The following B4GALNT3 variants were observed in gnomAD, a reference collection of about 807,000 sequenced individuals.
B4GALNT3 encodes the protein beta-1,4-N-acetyl-galactosaminyltransferase 3, also known as beta-1,4-N-acetylgalactosaminyltransferase 3.
A neutral mutation model predicts 120.2 loss-of-function variants in B4GALNT3; 86 were observed. The observed-to-expected ratio is 0.72, with a 90% CI of 0.60 to 0.86. The LOEUF is 0.86. B4GALNT3 is among the 40% of genes least tolerant of loss of function. B4GALNT3 has a pLI of 0.00. For synonymous variants in B4GALNT3, 518 were observed against 510.4 expected (o/e 1.01, Z -0.20); for missense variants, 1,167 against 1,298.9 (o/e 0.90, Z 1.56).
rs1301422258 is a variant in B4GALNT3 at position 561,363 on chromosome 12, A to G, written c.2909A>G (p.Asp970Gly). Residue 970 changes from aspartate (D) to glycine (G), a missense_variant, in exon 20 of 20, where the codon GAC becomes GGC. Physicochemically the swap from Asp to Gly is moderately conservative, Grantham distance 94 (BLOSUM62 -1). Coordinates refer to ENST00000266383, the MANE Select transcript of B4GALNT3 (RefSeq NM_173593.4). ...LLDRILQAGL[D>G]VERLSLRNFF... ...TCCAGGATACTCCAAGCGGGCCTGG[A>G]CGTGGAGCGTCTCTCCCTCAGGAAT... 1 of 1,613,956 alleles carries G rather than the reference A, an allele frequency of 6.2e-7. No individual in the cohort carries two copies. Among genetic ancestry groups the G allele is most frequent in the South Asian group, 1.1e-5 (1 of 91,074 alleles).
chr12:514,453 T>C (rs1946632075), intron 1 of B4GALNT3, among the ~76,000 whole-genome samples: 1 of 151,890 alleles, frequency 6.6e-6, no homozygotes, highest in African/African-American at 2.4e-5. Context: ...CGCCTCGGCC[T>C]CCCAAAGTGC....
chr12:462,910 C>T (rs1482335012), intron 1 of B4GALNT3, among the ~76,000 whole-genome samples: 1 of 152,160 alleles, frequency 6.6e-6, no homozygotes. Context: ...GAGGGAGAGC[C>T]AGGGAGGAGG....
intron 5 of B4GALNT3, 78 bp from the exon 6 acceptor site, chr12:545,291 T>C: frequency 1.3e-6 from 2 of 1,532,054 alleles, no homozygotes; most frequent in African/African-American, 1.4e-5. Context: ...ATTTAATCGC[T>C]AAGACACTCA....
intron 1 of B4GALNT3, among the ~76,000 whole-genome samples, chr12:488,041 C>A (rs187356295): frequency 3.3e-5 from 5 of 152,050 alleles, no homozygotes; most frequent in Admixed American, 3.3e-4. Context: ...CATCTGACTT[C>A]TCAGAAACCG....
intron 1 of B4GALNT3, among the ~76,000 whole-genome samples, chr12:500,697 T>C (rs1946430265): frequency 6.6e-6 from 1 of 152,028 alleles, no homozygotes; most frequent in Non-Finnish European, 1.5e-5. Context: ...CAGGCCTTCA[T>C]ACTATCCAGC....
chr12:551,355 C>A (rs1197957050), intron 11 of B4GALNT3, among the ~76,000 whole-genome samples: 1 of 152,216 alleles, frequency 6.6e-6, no homozygotes, highest in Non-Finnish European at 1.5e-5. Context: ...ACAACCCTAC[C>A]CTGCCTGGTC....
intron 1 of B4GALNT3, among the ~76,000 whole-genome samples, chr12:505,208 C>T (rs1946485463): frequency 6.6e-6 from 1 of 152,176 alleles, no homozygotes; most frequent in African/African-American, 2.4e-5. Flanking sequence ...GAGGTTTTAA[C>T]AGATGTTCTA....
In B4GALNT3 at chr12:548,382, G is replaced by A. The variant is rs1947034663; in HGVS notation, c.853+85G>A. The A allele has an allele frequency of 4.4e-6, 6 of 1,366,226 alleles. No individual in the cohort carries two copies. The South Asian group carries it at 7.1e-5, about 16-fold the overall frequency. 84.6% of individuals were successfully genotyped at this position (1,366,226 alleles called of 1,614,324 possible). A position where few individuals can be genotyped will look rare whatever the true frequency, so the allele number is the denominator to read the frequency against. Reference sequence around the variant, plus strand: ...GGGATTTGGCAGGGGAGGAGGGGAGGAGGGGAGGAAGGAAGCTCGAGATGC... The same window carrying A: ...GGGATTTGGCAGGGGAGGAGGGGAGAAGGGGAGGAAGGAAGCTCGAGATGC... On this transcript the variant is annotated intron_variant, in intron 9 of 19. Coordinates refer to ENST00000266383, the MANE Select transcript of B4GALNT3 (RefSeq NM_173593.4). The surrounding 1 kb of genome is among the most constrained non-coding windows in gnomAD (Gnocchi z 4.9).
In B4GALNT3 at chr12:535,207, A is replaced by G. The variant is rs1946846272; in HGVS notation, c.211A>G (p.Arg71Gly). The change falls in exon 2 of 20, where the codon AGG becomes GGG. Residue 71 changes from arginine to glycine, a missense_variant. Arg to Gly is a moderately radical substitution (Grantham distance 125, BLOSUM62 -2). This residue lies in a region of B4GALNT3 where 171 missense variants were observed against 161.3 expected (regional missense o/e 1.06). Coordinates refer to ENST00000266383, the MANE Select transcript of B4GALNT3 (RefSeq NM_173593.4). ...AGAACTGGCCAAGGCTCTGGCCAGC[A>G]GGAACATTCCAGCTGTGGATCCACA... Reference protein sequence around the residue: ...WRELAKALASRNIPAVDPHLQ... With the variant: ...WRELAKALASGNIPAVDPHLQ... 1.2e-6 allele frequency: 2 copies of G among 1,613,750 alleles called. No homozygotes were observed. The highest frequency in any genetic ancestry group is 1.7e-6 in the Non-Finnish European group (2 of 1,179,954).
At chr12:558,766 C>A in intron 18 of B4GALNT3, 105 bp downstream of exon 18, 1 of 1,179,020 alleles carries the variant, frequency 8.5e-7, no homozygotes, top group Admixed American at 2.4e-5. Context: ...ATCCTCCTCC[C>A]CTGCCCCACC....
intron 1 of B4GALNT3, among the ~76,000 whole-genome samples, chr12:500,954 A>G (rs1471584494): frequency 7.8e-6 from 1 of 128,592 alleles, no homozygotes; most frequent in African/African-American, 3.1e-5. Context: ...TACAACCCCC[A>G]CCTCCCAGGT....
At chr12:519,494 T>A (rs984750309) in intron 1 of B4GALNT3, among the ~76,000 whole-genome samples, 1 of 152,056 alleles carries the variant, frequency 6.6e-6, no homozygotes, top group Non-Finnish European at 1.5e-5. Flanking sequence ...TGTTCACCGC[T>A]GGCAGAACGC....
At chr12:498,805 C>T (rs1946413396) in intron 1 of B4GALNT3, among the ~76,000 whole-genome samples, 1 of 152,194 alleles carries the variant, frequency 6.6e-6, no homozygotes, top group African/African-American at 2.4e-5. Flanking sequence ...CGCTGGACAG[C>T]CAGGGGCTTT....
At chr12:486,205 C>CTTTT (rs59345776) in intron 1 of B4GALNT3, among the ~76,000 whole-genome samples, 6 of 97,984 alleles carry the variant, frequency 6.1e-5, no homozygotes, top group Non-Finnish European at 9.8e-5. Flanking sequence ...CCAAAATATT[C>CTTTT]TTTTTTTTTT....
intron 1 of B4GALNT3, among the ~76,000 whole-genome samples, chr12:521,174 A>C (rs185500226): frequency 6.6e-6 from 1 of 152,278 alleles, no homozygotes; most frequent in Non-Finnish European, 1.5e-5. Context: ...TAATGGCGTT[A>C]GAAGGATGTG....
At chr12:532,052 TG>T (rs1354993951) in intron 1 of B4GALNT3, among the ~76,000 whole-genome samples, 1 of 151,766 alleles carries the variant, frequency 6.6e-6, no homozygotes, top group Non-Finnish European at 1.5e-5. Context: ...GTGATCCTGC[TG>T]CCTTGGCCTC....
chr12:486,788 T>A (rs1038387662), intron 1 of B4GALNT3, among the ~76,000 whole-genome samples: 2 of 151,840 alleles, frequency 1.3e-5, no homozygotes, highest in Non-Finnish European at 2.9e-5. Flanking sequence ...CACATCACTT[T>A]CAACAAAAAG....
At chr12:478,954 AC>A (rs1946209922) in intron 1 of B4GALNT3, among the ~76,000 whole-genome samples, 1 of 152,208 alleles carries the variant, frequency 6.6e-6, no homozygotes, top group South Asian at 2.1e-4. Flanking sequence ...AATGACACCC[AC>A]CTAGCGTGAT....
chr12:534,555 A>T (rs982719057), intron 1 of B4GALNT3, among the ~76,000 whole-genome samples: 7 of 152,168 alleles, frequency 4.6e-5, no homozygotes, highest in Admixed American at 2.6e-4. Flanking sequence ...CCTTCAGGGT[A>T]CAGACAGCGT....
Sources: allele counts gnomAD v4.1 joint callset (sites outside exome capture counted in the v4.1 genomes callset), GRCh38; gene constraint gnomAD v4.1.1; regional missense constraint gnomAD v4.1.1; non-coding constraint Gnocchi (gnomAD v3.1); transcripts MANE v1.5; gene names NCBI Gene and HGNC (gene_info 2026-07-23, HGNC 2026-07-21).